WDR87: variants seen among roughly 807,000 people sequenced by gnomAD.
WDR87 encodes the protein WD repeat domain 87.
WDR87 carries 56 observed loss-of-function variants against 83.3 expected under a neutral mutation model. That is an observed-to-expected ratio of 0.67 (90% confidence interval 0.54 to 0.84). The LOEUF (loss-of-function observed/expected upper bound fraction) is 0.84, where lower values mean the gene tolerates loss of function less well. Among genes scored for constraint, WDR87 ranks in the 40% least tolerant of loss-of-function variants. The pLI is 0.00. For missense variants in WDR87, 2,939 were observed against 3,431.9 expected, an observed-to-expected ratio of 0.86 and a Z score of 3.59; for synonymous variants, 1,173 against 1,250.6, an observed-to-expected ratio of 0.94 and a Z score of 1.31.
chr19:37,905,651 C>T (rs1006907470), intron 1 of WDR87, among the ~76,000 whole-genome samples: 5 of 151,844 alleles, frequency 3.3e-5, no homozygotes, highest in Non-Finnish European at 7.4e-5. Flanking sequence ...CAGTCTCAAA[C>T]TCCTGGGCTT....
At position 37,896,296 on chromosome 19, in the gene WDR87, C is replaced by G; in HGVS notation, c.88G>C (p.Asp30His). The G allele has an allele frequency of 6.4e-7, 1 of 1,551,704 alleles. No homozygotes were observed. The highest frequency in any genetic ancestry group is 8.7e-7 in the Non-Finnish European group (1 of 1,146,966). Reference protein sequence around the residue: ...TINKSKQPSEDPKNCLIVLSD... With the variant: ...TINKSKQPSEHPKNCLIVLSD... Reference sequence around the variant, plus strand: ...AGCACAATCAGGCAGTTCTTTGGGTCTTCCGAAGGTTGCTGGAGAGAGGCG... The same window carrying G: ...AGCACAATCAGGCAGTTCTTTGGGTGTTCCGAAGGTTGCTGGAGAGAGGCG... Residue 30 changes from aspartate (D) to histidine (H), a missense_variant, in exon 3 of 6, where the codon GAC becomes CAC. Coordinates refer to ENST00000447313, the MANE Select transcript of WDR87 (RefSeq NM_001291088.2).
chr19:37,894,191 G>A lies in WDR87; in HGVS notation c.1512C>T (p.Gly504=), dbSNP rs375877945. The A allele has an allele frequency of 1.6e-4, 256 of 1,552,066 alleles. 1 individual carries two copies. Among genetic ancestry groups the A allele is most frequent in the South Asian group, 7.1e-4 (60 of 84,058 alleles). ...CARLEKFMHF[G]AVLALSTLSG... is the part of the protein sequence containing the mutation. ...ACAGCGTGGAGAGTGCCAGTACAGC[G>A]CCAAAGTGCATGAATTTTTCTAATC... Residue 504 remains glycine, a synonymous_variant, in exon 4 of 6, where the codon GGC becomes GGT. Coordinates refer to ENST00000447313, the MANE Select transcript of WDR87 (RefSeq NM_001291088.2).
Position 37,896,304 on chromosome 19 carries a change from G to A in WDR87, c.80C>T (p.Pro27Leu). ...LNDTINKSKQ[P>L]SEDPKNCLIV... is the part of the protein sequence containing the mutation. Reference sequence around the variant, plus strand: ...CAGGCAGTTCTTTGGGTCTTCCGAAGGTTGCTGGAGAGAGGCGTGGCATAA... The same window carrying A: ...CAGGCAGTTCTTTGGGTCTTCCGAAAGTTGCTGGAGAGAGGCGTGGCATAA... Residue 27 changes from proline to leucine, a missense_variant, in exon 3 of 6, where the codon CCT (proline) becomes CTT (leucine). Pro to Leu is a moderately conservative substitution (Grantham distance 98). This residue lies in a region of WDR87 where 226 missense variants were observed against 320.9 expected (regional missense o/e 0.70). Transcript: ENST00000447313. The A allele has an allele frequency of 6.4e-7, 1 of 1,551,520 alleles. No homozygotes were observed. The highest frequency in any genetic ancestry group is 2.0e-5 in the Admixed American group (1 of 50,986).
chr19:37,885,016 G>T lies in WDR87; in HGVS notation c.8655C>A (p.Ile2885=). The stretch of plus-strand genomic sequence containing the variant: ...GCAGGCTCTTCCAGGCAAGTTCTAA[G>T]ATCCCATACCGGGCAATGCCCACGG... ...ILPVGIARYG[I]LELAWKSLPE... Residue 2885 remains isoleucine, a synonymous_variant, in exon 6 of 6, where the codon ATC becomes ATA. Transcript: ENST00000447313. 1 of 1,423,278 alleles carries T rather than the reference G, an allele frequency of 7.0e-7. No homozygotes were observed. The highest frequency in any genetic ancestry group is 9.2e-7 in the Non-Finnish European group (1 of 1,085,648). 88.2% of individuals were successfully genotyped at this position (1,423,278 alleles called of 1,614,324 possible). A position where few individuals can be genotyped will look rare whatever the true frequency, so the allele number is the denominator to read the frequency against.
At chr19:37,895,962 G>T (rs1800487073) in intron 3 of WDR87, 176 bp downstream of exon 3, 1 of 860,386 alleles carries the variant, frequency 1.2e-6, no homozygotes, top group Non-Finnish European at 1.7e-6. Flanking sequence ...TACTTCGGGG[G>T]AACCATACAA....
chr19:37,905,752 G>C (rs527680387), intron 1 of WDR87, among the ~76,000 whole-genome samples: 3 of 151,960 alleles, frequency 2.0e-5, no homozygotes, highest in East Asian at 1.9e-4. Flanking sequence ...ATAGGGTCTT[G>C]CTATGTTACC....
In WDR87 at chr19:37,893,486, G is replaced by T. The variant is rs1376754170; in HGVS notation, c.2217C>A (p.Ala739=). The T allele has an allele frequency of 1.3e-6, 2 of 1,551,916 alleles. No homozygotes were observed. The highest frequency in any genetic ancestry group is 2.4e-5 in the South Asian group (2 of 84,066). ...GTGGCACAGAATGGTCAAAGGCAAT[G>T]GCCCGGTTGTTGACAAGTTTCTCCA... ...VGLEKLVNNR[A]IAFDHSVPHV... Residue 739 remains alanine (A), a synonymous_variant, in exon 4 of 6, where the codon GCC becomes GCA. Transcript: ENST00000447313.
intron 1 of WDR87, among the ~76,000 whole-genome samples, chr19:37,903,462 C>T (rs2046304701): frequency 6.6e-6 from 1 of 152,118 alleles, no homozygotes; most frequent in African/African-American, 2.4e-5. Flanking sequence ...ACCCTGGATC[C>T]CTGAGAAGTA....
In WDR87 at chr19:37,893,849, CAAG is replaced by C. The variant is rs2046229817; in HGVS notation, c.1851_1853del (p.Leu618del). 2 of 1,551,838 alleles carry C rather than the reference CAAG, an allele frequency of 1.3e-6. No individual in the cohort carries two copies. ...CGGCAGAACCTGTGACAAAAAGACT[CAAG>C]GAGAGGCAGACATCAAAGGATGTGA... is the stretch of plus-strand genomic sequence containing the variant. On this transcript the variant is annotated inframe_deletion, in exon 4 of 6. Transcript: ENST00000447313.
intron 1 of WDR87, 146 bp from the exon 2 acceptor site, chr19:37,898,431 A>G: frequency 9.3e-7 from 1 of 1,070,872 alleles, no homozygotes. Flanking sequence ...CATTTCATCC[A>G]CTCTACAGCC....
chr19:37,901,777 A>C (rs1426372464), intron 1 of WDR87, among the ~76,000 whole-genome samples: 1 of 151,662 alleles, frequency 6.6e-6, no homozygotes, highest in Non-Finnish European at 1.5e-5. Flanking sequence ...GCAGTAGTAG[A>C]GTCACAGTTC....
At position 37,889,010 on chromosome 19, in the gene WDR87, T is replaced by C; in HGVS notation, c.4661A>G (p.Lys1554Arg). ...PEEEMLQEDK[K>R]LKWEEWKQVW... ...TTGTTTCCACTCCTCCCATTTCAGC[T>C]TCTTGTCCTCCTGAAGCATTTCCTC... is the stretch of plus-strand genomic sequence containing the variant. The change falls in exon 6 of 6, where the codon AAG (lysine) becomes AGG (arginine). Residue 1554 changes from lysine to arginine, a missense_variant. Lys to Arg is a conservative substitution (Grantham distance 26). This residue lies in a region of WDR87 where 2,160 missense variants were observed against 2,533.1 expected (regional missense o/e 0.85). Transcript: ENST00000447313. The C allele has an allele frequency of 6.4e-7, 1 of 1,552,102 alleles. No individual in the cohort carries two copies. The highest frequency in any genetic ancestry group is 8.7e-7 in the Non-Finnish European group (1 of 1,147,098).
intron 1 of WDR87, among the ~76,000 whole-genome samples, chr19:37,902,371 TG>T (rs1160699830): frequency 1.3e-5 from 2 of 152,000 alleles, no homozygotes; most frequent in African/African-American, 4.8e-5. Flanking sequence ...TGCACCACCA[TG>T]CCCAGCTAAT....
chr19:37,884,984 G>A lies in WDR87; in HGVS notation c.8687C>T (p.Ala2896Val). Residue 2896 changes from alanine (A) to valine (V), a missense_variant, in exon 6 of 6, where the codon GCT (alanine) becomes GTT (valine). This residue lies in a region of WDR87 where 2,160 missense variants were observed against 2,533.1 expected (regional missense o/e 0.85). Coordinates refer to ENST00000447313, the MANE Select transcript of WDR87 (RefSeq NM_001291088.2). ...CAGTGCCTTGGTGAGATGAAGATCA[G>A]CTTCAGGCAGGCTCTTCCAGGCAAG... ...LELAWKSLPE[A>V]DLHLTKALTH... 1 of 1,396,974 alleles carries A rather than the reference G, an allele frequency of 7.2e-7. No individual in the cohort carries two copies. The highest frequency in any genetic ancestry group is 9.3e-7 in the Non-Finnish European group (1 of 1,071,340). 86.5% of individuals were successfully genotyped at this position (1,396,974 alleles called of 1,614,324 possible).
rs1452989705 is a variant in WDR87 at position 37,885,615 on chromosome 19, T to C, written c.8056A>G (p.Arg2686Gly). The change falls in exon 6 of 6, where the codon AGA (arginine) becomes GGA (glycine). Residue 2686 changes from arginine (R) to glycine (G), a missense_variant. Coordinates refer to ENST00000447313, the MANE Select transcript of WDR87 (RefSeq NM_001291088.2). The part of the protein sequence containing the change: ...KNWHLLGEPY[R>G]SERAQQISIA... ...GATATCTGCTGTGCCCTCTCACTTC[T>C]GTAAGGTTCTCCTAGAAGATGCCAA... 4 of 1,551,678 alleles carry C rather than the reference T, an allele frequency of 2.6e-6. No individual in the cohort carries two copies. Among genetic ancestry groups the C allele is most frequent in the Non-Finnish European group, 3.5e-6 (4 of 1,147,020 alleles).
At position 37,894,828 on chromosome 19, in the gene WDR87, C is replaced by G. The variant is rs905139571; in HGVS notation, c.875G>C (p.Arg292Pro). ...TGTTAGCAGGGTGTGGGCCTCTGGT[C>G]GGCTGCGGATACAGATCACTCCTGA... ...HQSGVICIRSRPEAHTLLTAG... is the reference protein window; with the variant it reads ...HQSGVICIRSPPEAHTLLTAG... Residue 292 changes from arginine to proline, a missense_variant, in exon 4 of 6, where the codon CGA becomes CCA. Arg to Pro is a moderately radical substitution (Grantham distance 103). This residue lies in a region of WDR87 where 553 missense variants were observed against 577.9 expected (regional missense o/e 0.96). Coordinates refer to ENST00000447313, the MANE Select transcript of WDR87 (RefSeq NM_001291088.2). 1 of 1,551,676 alleles carries G rather than the reference C, an allele frequency of 6.4e-7. No individual in the cohort carries two copies. Among genetic ancestry groups the G allele is most frequent in the Non-Finnish European group, 8.7e-7 (1 of 1,146,998 alleles).
intron 1 of WDR87, among the ~76,000 whole-genome samples, chr19:37,905,161 G>C (rs1235554134): frequency 6.6e-6 from 1 of 150,976 alleles, no homozygotes; most frequent in Non-Finnish European, 1.5e-5. Context: ...GAACCAGGGA[G>C]TCAGAGGTTG....
rs758509402 is a variant in WDR87 at position 37,884,949 on chromosome 19, C to G, written c.8722G>C (p.Val2908Leu). The change falls in exon 6 of 6, where the codon GTT (valine) becomes CTT (leucine). Residue 2908 changes from valine to leucine, a missense_variant. This residue lies in a region of WDR87 where 2,160 missense variants were observed against 2,533.1 expected (regional missense o/e 0.85). Coordinates refer to ENST00000447313, the MANE Select transcript of WDR87 (RefSeq NM_001291088.2). ...GTCCCAAATTAGAGAGTGGGAGCAA[C>G]GGTGTGTGTCAGTGCCTTGGTGAGA... ...LHLTKALTHT[V>L]APTL 1.5e-6 allele frequency: 2 copies of G among 1,316,264 alleles called. No homozygotes were observed. The highest frequency in any genetic ancestry group is 2.9e-5 in the East Asian group (1 of 34,654). The allele number at this position is 1,316,264 out of a possible 1,614,324, so 81.5% of individuals were successfully genotyped here. A position where few individuals can be genotyped will look rare whatever the true frequency, so the allele number is the denominator to read the frequency against.
In WDR87 at chr19:37,886,686, T is replaced by A. The variant is rs2046149154; in HGVS notation, c.6985A>T (p.Lys2329Ter). The change falls in exon 6 of 6, where the codon AAG becomes TAG. Residue 2329 changes from lysine to a stop codon, truncating the protein, a stop_gained. Transcript: ENST00000447313. LOFTEE classifies it low-confidence loss of function (END_TRUNC). ...VEKEEEEKKK[K>*]KKEKKKEEVQ... ...TCCTCCTTCTTCTTTTCCTTTTTCT[T>A]CTTCTTCTTCTCCTCCTCTTCTTTC... The A allele has an allele frequency of 6.8e-7, 1 of 1,469,100 alleles. No individual in the cohort carries two copies. The highest frequency in any genetic ancestry group is 2.5e-5 in the East Asian group (1 of 40,358). The allele number at this position is 1,469,100 out of a possible 1,614,324, so 91.0% of individuals were successfully genotyped here. A position where few individuals can be genotyped will look rare whatever the true frequency, so the allele number is the denominator to read the frequency against.
Sources: allele counts gnomAD v4.1 joint callset (sites outside exome capture counted in the v4.1 genomes callset), GRCh38; gene constraint gnomAD v4.1.1; regional missense constraint gnomAD v4.1.1; transcripts MANE v1.5; gene names NCBI Gene and HGNC (gene_info 2026-07-23, HGNC 2026-07-21).